Variants in ACTR10 observed in about 807,000 individuals in gnomAD.
The protein encoded by ACTR10 is actin-related protein 10.
ACTR10 carries 43 observed loss-of-function variants against 56.2 expected under a neutral mutation model. The ratio of observed to expected loss-of-function variants is 0.77; its 90% CI spans 0.60 to 0.99. The LOEUF is 0.99. Ranked by LOEUF, ACTR10 falls within the 50% of genes least tolerant of loss-of-function variation. The pLI, the probability that ACTR10 is intolerant of heterozygous loss-of-function variation, is 0.00. For synonymous variants in ACTR10, 170 were observed against 176.3 expected (o/e 0.96, Z 0.28); for missense variants, 466 against 507.8 (o/e 0.92, Z 0.79).
chr14:58,223,545 GT>G, intron 8 of ACTR10, 76 bp from the exon 9 acceptor site: 1 of 1,142,024 alleles, frequency 8.8e-7, no homozygotes, highest in South Asian at 1.4e-5. Flanking sequence ...GAATAGAATT[GT>G]TTTAACTGGG....
rs532310028 is a variant in ACTR10, at chr14:58,228,695, TTTTTTTTTTTTTTTTTTTTTTTTTA to T, written c.789-1703_789-1679del. ...TGCAAGACAGACTTTTTTTTTTTTT[TTTTTTTTTTTTTTTTTTTTTTTTTA>T]AAGAGATGAGGTCTCACTGTGCTGC... On this transcript the variant is annotated intron_variant, in intron 10 of 12. Coordinates refer to ENST00000254286, the MANE Select transcript of ACTR10 (RefSeq NM_018477.3). 8.6e-3 allele frequency among the ~76,000 whole-genome samples: 845 copies of T among 97,768 alleles called. 14 individuals carry two copies. Among genetic ancestry groups the T allele is most frequent in the African/African-American group, 0.038 (814 of 21,376 alleles). The allele number at this position is 97,768 out of a possible 152,430, so 64.1% of individuals were successfully genotyped here.
chr14:58,223,512 A>G (rs1889327416), intron 8 of ACTR10, 110 bp from the exon 9 acceptor site: 1 of 832,274 alleles, frequency 1.2e-6, no homozygotes, highest in Non-Finnish European at 1.9e-6. Context: ...ATCCAAAGGA[A>G]TAGATGATGA....
intron 2 of ACTR10, among the ~76,000 whole-genome samples, chr14:58,204,261 G>A (rs1888800410): frequency 1.3e-5 from 2 of 151,958 alleles, no homozygotes; most frequent in African/African-American, 4.8e-5. Context: ...GCAGGCACTG[G>A]TATTCCCAGC....
intron 12 of ACTR10, among the ~76,000 whole-genome samples, chr14:58,232,970 A>G (rs1889582867): frequency 6.6e-6 from 1 of 151,076 alleles, no homozygotes; most frequent in Non-Finnish European, 1.5e-5. Flanking sequence ...TCCCAGGCTC[A>G]AGCAATCCTC....
intron 2 of ACTR10, 45 bp downstream of exon 2, chr14:58,202,972 A>T: frequency 2.4e-6 from 3 of 1,272,544 alleles, no homozygotes; most frequent in Non-Finnish European, 3.4e-6. Flanking sequence ...ATACTATAAA[A>T]TGTTTTAAAA....
At chr14:58,206,730 T>C (rs1164633277) in intron 2 of ACTR10, among the ~76,000 whole-genome samples, 1 of 152,220 alleles carries the variant, frequency 6.6e-6, no homozygotes, top group East Asian at 1.9e-4. Flanking sequence ...GTAATATGTG[T>C]GTAGGCTGCT....
At position 58,209,180 on chromosome 14, in the gene ACTR10, T is replaced by C. The variant is rs2140046187; in HGVS notation, c.342+73T>C. On this transcript the variant is annotated intron_variant, in intron 4 of 12. Coordinates refer to ENST00000254286, the MANE Select transcript of ACTR10 (RefSeq NM_018477.3). Reference sequence around the variant, plus strand: ...AGAAGCAATAAAATTCTTACCAATTTTTAGGGAATCTTTCTTCTCTTTTTT... The same window carrying C: ...AGAAGCAATAAAATTCTTACCAATTCTTAGGGAATCTTTCTTCTCTTTTTT... 1.3e-5 allele frequency: 14 copies of C among 1,086,698 alleles called. No individual in the cohort carries two copies. The South Asian group carries it at 2.1e-4, about 16-fold the overall frequency. The allele number at this position is 1,086,698 out of a possible 1,614,324, so 67.3% of individuals were successfully genotyped here.
chr14:58,205,140 G>A (rs765879294), intron 2 of ACTR10, among the ~76,000 whole-genome samples: 19 of 151,880 alleles, frequency 1.3e-4, no homozygotes, highest in Non-Finnish European at 4.4e-5. Flanking sequence ...AGAATCACTT[G>A]AACCCGGGAG....
At chr14:58,215,066 AC>A in intron 6 of ACTR10, 138 bp from the exon 7 acceptor site, 2 of 517,136 alleles carry the variant, frequency 3.9e-6, no homozygotes, top group Non-Finnish European at 6.7e-6. Context: ...GGATTGCGCC[AC>A]TTCACTCCAG....
chr14:58,228,681 CTTTTTTTTTTTTTTTTTTTTT>C lies in ACTR10; in HGVS notation c.789-1700_789-1680del, dbSNP rs35498207. On this transcript the variant is annotated intron_variant, in intron 10 of 12. Coordinates refer to ENST00000254286, the MANE Select transcript of ACTR10 (RefSeq NM_018477.3). ...TAACTACATCTAGTTGCAAGACAGACTTTTTTTTTTTTTTTTTTTTTTTTTTTTTTTTTTTTTTAAAGAGAT... is the reference window on the plus strand; with the variant it reads ...TAACTACATCTAGTTGCAAGACAGACTTTTTTTTTTTTTTTTTAAAGAGAT... 2.0e-4 allele frequency among the ~76,000 whole-genome samples: 8 copies of C among 40,790 alleles called. No homozygotes were observed. In the East Asian group the frequency reaches 4.8e-3, roughly 25 times the overall value. The allele number at this position is 40,790 out of a possible 152,430, so 26.8% of individuals were successfully genotyped here. A position where few individuals can be genotyped will look rare whatever the true frequency, so the allele number is the denominator to read the frequency against.
intron 10 of ACTR10, among the ~76,000 whole-genome samples, chr14:58,224,513 C>CT (rs1443587186): frequency 6.6e-6 from 1 of 152,048 alleles, no homozygotes; most frequent in Admixed American, 6.6e-5. Context: ...TCCCAAAGTG[C>CT]TGGGATTACA....
chr14:58,221,272 ACT>A (rs1195378571), intron 8 of ACTR10, among the ~76,000 whole-genome samples: 1 of 128,864 alleles, frequency 7.8e-6, no homozygotes, highest in African/African-American at 2.9e-5. Flanking sequence ...ACAGAGCGAG[ACT>A]CTGTCTAAAA....
At chr14:58,214,608 A>G (rs1889087344) in intron 6 of ACTR10, among the ~76,000 whole-genome samples, 1 of 151,228 alleles carries the variant, frequency 6.6e-6, no homozygotes, top group Non-Finnish European at 1.5e-5. Flanking sequence ...CTCCTACCTC[A>G]GCCTCCCGAG....
At chr14:58,229,505 C>T (rs1000369679) in intron 10 of ACTR10, among the ~76,000 whole-genome samples, 1 of 151,830 alleles carries the variant, frequency 6.6e-6, no homozygotes, top group East Asian at 1.9e-4. Flanking sequence ...GGTGAAACCC[C>T]GTCTCTACTA....
At chr14:58,211,111 A>T (rs1888983142) in intron 4 of ACTR10, 181 bp from the exon 5 acceptor site, 1 of 491,768 alleles carries the variant, frequency 2.0e-6, no homozygotes, top group East Asian at 3.5e-5. Context: ...TTATTGAGTG[A>T]ATTTATATAA....
chr14:58,234,533 A>G lies in ACTR10; in HGVS notation c.1236A>G (p.Ala412=). Residue 412 remains alanine (A), a synonymous_variant, in exon 13 of 13, where the codon GCA becomes GCG. Coordinates refer to ENST00000254286, the MANE Select transcript of ACTR10 (RefSeq NM_018477.3). ...GKTQPPLMKR[A]FSTEK ...CTCAACCACCTCTGATGAAGAGAGC[A>G]TTTTCCACTGAGAAATAGAAGTTTG... The G allele has an allele frequency of 6.2e-7, 1 of 1,608,116 alleles. No homozygotes were observed. Among genetic ancestry groups the G allele is most frequent in the East Asian group, 2.2e-5 (1 of 44,810 alleles).
rs377351388 is a variant in ACTR10, at chr14:58,223,904, T to C, written c.788+48T>C. ...CAAAGTAGTAAACTAAAATAAACTTTTGGCTTTTAAAAATATTTGTATGAG... is the reference window on the plus strand; with the variant it reads ...CAAAGTAGTAAACTAAAATAAACTTCTGGCTTTTAAAAATATTTGTATGAG... On this transcript the variant is annotated intron_variant, in intron 10 of 12. Transcript: ENST00000254286. 1,318 of 1,483,806 alleles carry C rather than the reference T, an allele frequency of 8.9e-4. 8 individuals carry two copies. Among genetic ancestry groups the C allele is most frequent in the Non-Finnish European group, 8.6e-4 (931 of 1,079,040 alleles). The allele number at this position is 1,483,806 out of a possible 1,614,324, so 91.9% of individuals were successfully genotyped here.
At chr14:58,200,352 C>T (rs965964732) in intron 1 of ACTR10, 58 bp downstream of exon 1, 3 of 1,373,318 alleles carry the variant, frequency 2.2e-6, no homozygotes, top group Non-Finnish European at 2.9e-6. Context: ...TGGCAGAGCC[C>T]CAGGCACTGC....
chr14:58,217,219 C>G (rs1232735657), intron 7 of ACTR10, among the ~76,000 whole-genome samples: 1 of 152,126 alleles, frequency 6.6e-6, no homozygotes, highest in Non-Finnish European at 1.5e-5. Context: ...ATAAACGATA[C>G]ATTCTTGGAT....
Sources: allele counts gnomAD v4.1 joint callset (sites outside exome capture counted in the v4.1 genomes callset), GRCh38; gene constraint gnomAD v4.1.1; transcripts MANE v1.5; gene names NCBI Gene and HGNC (gene_info 2026-07-23, HGNC 2026-07-21).